Variants in SLC36A1 observed in about 807,000 individuals in gnomAD.
The protein encoded by SLC36A1 is proton-coupled amino acid transporter 1.
SLC36A1 carries 30 observed loss-of-function variants against 47.5 expected under a neutral mutation model. That is an observed-to-expected ratio of 0.63 (90% CI 0.47 to 0.86). The LOEUF (loss-of-function observed/expected upper bound fraction) is 0.86, where lower values mean the gene tolerates loss of function less well. SLC36A1 is among the 40% of genes least tolerant of loss of function. The probability of loss-of-function intolerance (pLI) is 0.00; values close to 1 mark genes in which losing one functional copy is unlikely to be tolerated. For missense variants in SLC36A1, 517 were observed against 606.0 expected (o/e 0.85, Z 1.54); for synonymous variants, 255 against 249.7 (o/e 1.02, Z -0.20).
intron 8 of SLC36A1, among the ~76,000 whole-genome samples, chr5:151,476,198 C>T (rs2127524005): frequency 6.6e-6 from 1 of 152,356 alleles, no homozygotes; most frequent in South Asian, 2.1e-4. Flanking sequence ...GACAGGTTAG[C>T]AGGAAGCTGT....
At chr5:151,495,248 C>A (rs1391051402), downstream of SLC36A1, among the ~76,000 whole-genome samples, 1 of 152,144 alleles carries the variant, frequency 6.6e-6, no homozygotes, top group East Asian at 1.9e-4. Context: ...TGTTTTGCAC[C>A]TCTTTACGTG....
the SLC36A1 span, among the ~76,000 whole-genome samples, chr5:151,379,573 C>A: frequency 1.1e-4 from 17 of 152,174 alleles, no homozygotes; most frequent in African/African-American, 4.1e-4. Context: ...CCTTGGTGAT[C>A]TGCCCGCCTC....
the SLC36A1 span, among the ~76,000 whole-genome samples, chr5:151,360,322 T>C: frequency 6.6e-6 from 1 of 152,338 alleles, no homozygotes; most frequent in South Asian, 2.1e-4. Flanking sequence ...GTATGTTATA[T>C]GTATTATATA....
chr5:151,464,573 G>C lies in SLC36A1; in HGVS notation c.294G>C (p.Leu98=). 6.2e-7 allele frequency: 1 copy of C among 1,614,074 alleles called. No individual in the cohort carries two copies. The highest frequency in any genetic ancestry group is 8.5e-7 in the Non-Finnish European group (1 of 1,180,032). Residue 98 remains leucine (L), a synonymous_variant, in exon 4 of 11, where the codon CTG becomes CTC. Transcript: ENST00000243389. ...GIVAVHCMGI[L]VKCAHHFCRR... is the part of the protein sequence containing the mutation. ...TGGCCGTGCACTGCATGGGTATCCTGGTGAAATGTGCTCACCACTTCTGCC... is the reference window on the plus strand; with the variant it reads ...TGGCCGTGCACTGCATGGGTATCCTCGTGAAATGTGCTCACCACTTCTGCC...
the SLC36A1 span, among the ~76,000 whole-genome samples, chr5:151,356,748 A>G: frequency 6.6e-6 from 1 of 152,236 alleles, no homozygotes; most frequent in African/African-American, 2.4e-5. Flanking sequence ...CTTCTAGGCC[A>G]TAGTTCTCTG....
At chr5:151,458,333 TGGG>T (rs1281594689) in intron 1 of SLC36A1, among the ~76,000 whole-genome samples, 1,080 of 93,096 alleles carry the variant, frequency 0.012, 32 homozygotes, top group African/African-American at 0.038. Flanking sequence ...TATATATATA[TGGG>T]ATATTTATAT....
rs372941077 is a variant in SLC36A1, at chr5:151,476,640, C to A, written c.873C>A (p.Ile291=). The A allele has an allele frequency of 6.2e-7, 1 of 1,611,624 alleles. No individual in the cohort carries two copies. Among genetic ancestry groups the A allele is most frequent in the East Asian group, 2.2e-5 (1 of 44,866 alleles). Residue 291 remains isoleucine (I), a synonymous_variant, in exon 9 of 11, where the codon ATC becomes ATA. Transcript: ENST00000243389. ...AGGATCCTCGGAAGTTCCCACTCATCCTGTACCTGGGCATGGTCATCGTCA... is the reference window on the plus strand; with the variant it reads ...AGGATCCTCGGAAGTTCCCACTCATACTGTACCTGGGCATGGTCATCGTCA... ...KMKDPRKFPL[I]LYLGMVIVTI...
chr5:151,394,191 G>A, the SLC36A1 span, among the ~76,000 whole-genome samples: 1 of 152,110 alleles, frequency 6.6e-6, no homozygotes, highest in Non-Finnish European at 1.5e-5. Context: ...CCAGTTGATT[G>A]AATCAGCTAC....
downstream of SLC36A1, among the ~76,000 whole-genome samples, chr5:151,496,712 C>A (rs1045366793): frequency 1.3e-5 from 2 of 152,168 alleles, no homozygotes; most frequent in Non-Finnish European, 2.9e-5. Flanking sequence ...CATGCCACCA[C>A]GCCTAGCTGA....
chr5:151,380,763 T>TG, the SLC36A1 span: 2 of 536,894 alleles, frequency 3.7e-6, no homozygotes, highest in African/African-American at 1.9e-5. Context: ...TGCAGACAGA[T>TG]GGTGGACATT....
At chr5:151,530,339 A>G in the SLC36A1 span, among the ~76,000 whole-genome samples, 1 of 152,136 alleles carries the variant, frequency 6.6e-6, no homozygotes, top group African/African-American at 2.4e-5. Flanking sequence ...TGTGTTGATC[A>G]AGCACTGTCA....
chr5:151,554,795 T>G, the SLC36A1 span: 1 of 759,100 alleles, frequency 1.3e-6, no homozygotes, highest in Non-Finnish European at 2.1e-6. Context: ...TTTATTATCA[T>G]AACTTCACCT....
the SLC36A1 span, among the ~76,000 whole-genome samples, chr5:151,401,468 A>G: frequency 0.023 from 3,449 of 152,132 alleles, 56 homozygotes; most frequent in South Asian, 0.036. Context: ...TGATACCTCC[A>G]CCTTTTTTCT....
chr5:151,464,529 C>G lies in SLC36A1; in HGVS notation c.250C>G (p.Leu84Val). The stretch of plus-strand genomic sequence containing the variant: ...CTGTCCCCAGATGGGTCCCATCAGC[C>G]TGCTGATCATAGGCATCGTGGCCGT... ...NAGIVMGPIS[L>V]LIIGIVAVHC... Residue 84 changes from leucine (L) to valine (V), a missense_variant, in exon 4 of 11, where the codon CTG becomes GTG. Physicochemically the swap from Leu to Val is conservative, Grantham distance 32. Transcript: ENST00000243389. 1 of 1,613,964 alleles carries G rather than the reference C, an allele frequency of 6.2e-7. No homozygotes were observed. Among genetic ancestry groups the G allele is most frequent in the Non-Finnish European group, 8.5e-7 (1 of 1,179,978 alleles).
rs1031099827 is a variant in SLC36A1 at position 151,476,766 on chromosome 5, G to A, written c.989+10G>A. ...ACCTGCCCAACTGCTGGTACGTGGA[G>A]GGAGGATGGAAACCTAGGAGCACTG... On this transcript the variant is annotated intron_variant, in intron 9 of 10. Coordinates refer to ENST00000243389, the MANE Select transcript of SLC36A1 (RefSeq NM_078483.4). 6.2e-7 allele frequency: 1 copy of A among 1,610,618 alleles called. No homozygotes were observed. The highest frequency in any genetic ancestry group is 8.5e-7 in the Non-Finnish European group (1 of 1,177,970).
the SLC36A1 span, among the ~76,000 whole-genome samples, chr5:151,500,063 C>T: frequency 4.9e-3 from 740 of 152,298 alleles, 4 homozygotes; most frequent in African/African-American, 0.017. Flanking sequence ...AATCTGGGCC[C>T]CCTGGCTCTG....
At chr5:151,427,716 A>G in the SLC36A1 span, among the ~76,000 whole-genome samples, 1 of 152,164 alleles carries the variant, frequency 6.6e-6, no homozygotes, top group Non-Finnish European at 1.5e-5. Flanking sequence ...CATGCGTTCC[A>G]GTGGGGACCC....
At chr5:151,372,328 T>C in the SLC36A1 span, among the ~76,000 whole-genome samples, 3 of 152,156 alleles carry the variant, frequency 2.0e-5, no homozygotes, top group Admixed American at 1.3e-4. Context: ...TAAAATTAAT[T>C]TGGACAGCAT....
At chr5:151,444,371 A>C (rs1752799991), upstream of SLC36A1, among the ~76,000 whole-genome samples, 1 of 151,998 alleles carries the variant, frequency 6.6e-6, no homozygotes, top group South Asian at 2.1e-4. Flanking sequence ...TTCAGTGTAC[A>C]CCCTATTCAT....
Sources: allele counts gnomAD v4.1 joint callset (sites outside exome capture counted in the v4.1 genomes callset), GRCh38; gene constraint gnomAD v4.1.1; transcripts MANE v1.5; gene names NCBI Gene and HGNC (gene_info 2026-07-23, HGNC 2026-07-21).